KIF18A: variants seen among roughly 807,000 people sequenced by gnomAD.
KIF18A encodes the protein kinesin family member 18A, also known as kinesin-like protein KIF18A.
Under a neutral mutation model 103.3 loss-of-function variants are expected in KIF18A, and 67 were observed. The observed-to-expected ratio is 0.65, with a 90% confidence interval of 0.53 to 0.79. The LOEUF (loss-of-function observed/expected upper bound fraction) is 0.79, where lower values mean the gene tolerates loss of function less well. Ranked by LOEUF, KIF18A falls within the 30% of genes least tolerant of loss-of-function variation. The pLI, the probability that KIF18A is intolerant of heterozygous loss-of-function variation, is 0.00. For missense variants in KIF18A, 1,032 were observed against 1,062.5 expected (o/e 0.97, Z 0.40); for synonymous variants, 367 against 355.5 (o/e 1.03, Z -0.36).
At chr11:28,097,361 C>A in intron 2 of KIF18A, 1 of 375,680 alleles carries the variant, frequency 2.7e-6, no homozygotes, top group Non-Finnish European at 4.8e-6. Flanking sequence ...GGTTTAATAA[C>A]ATAGGCAACT....
At chr11:28,084,488 T>C (rs935793938) in intron 7 of KIF18A, 144 bp downstream of exon 7, 6 of 438,762 alleles carry the variant, frequency 1.4e-5, no homozygotes, top group Non-Finnish European at 2.0e-5. Context: ...AATGTTCGAC[T>C]AAGCAGGTTA....
chr11:28,028,149 T>C (rs1850344956), intron 15 of KIF18A, among the ~76,000 whole-genome samples: 1 of 151,546 alleles, frequency 6.6e-6, no homozygotes, highest in Non-Finnish European at 1.5e-5. Context: ...TCAACATCCC[T>C]TTATGATAAA....
At chr11:28,077,474 A>C (rs1175053529) in intron 9 of KIF18A, among the ~76,000 whole-genome samples, 4 of 152,144 alleles carry the variant, frequency 2.6e-5, no homozygotes, top group African/African-American at 7.2e-5. Context: ...GCTTACATCT[A>C]TATGTAATCC....
Position 28,082,940 on chromosome 11 carries a change from G to A in KIF18A, c.1178C>T (p.Ala393Val). The A allele has an allele frequency of 6.3e-7, 1 of 1,594,104 alleles. No individual in the cohort carries two copies. Among genetic ancestry groups the A allele is most frequent in the Non-Finnish European group, 8.5e-7 (1 of 1,169,768 alleles). The change falls in exon 9 of 17, where the codon GCC becomes GTC. Residue 393 changes from alanine (A) to valine (V), a missense_variant. By Grantham distance (64) the Ala-to-Val change is moderately conservative. Coordinates refer to ENST00000263181, the MANE Select transcript of KIF18A (RefSeq NM_031217.4). ...AGTGAAGGCTTTCTGTTCTTCATAGGCTTTTAGTTTTTCTTTTAACAATAA... is the reference window on the plus strand; with the variant it reads ...AGTGAAGGCTTTCTGTTCTTCATAGACTTTTAGTTTTTCTTTTAACAATAA... ...EILLLKEKLK[A>V]YEEQKAFTNE...
At chr11:28,057,446 C>T (rs749391820) in intron 13 of KIF18A, among the ~76,000 whole-genome samples, 8 of 152,002 alleles carry the variant, frequency 5.3e-5, no homozygotes, top group East Asian at 1.9e-4. Flanking sequence ...ACCCAGGAGA[C>T]GGAGCTTGCA....
chr11:28,103,544 A>G (rs1851470335), intron 1 of KIF18A, among the ~76,000 whole-genome samples: 1 of 152,096 alleles, frequency 6.6e-6, no homozygotes, highest in Non-Finnish European at 1.5e-5. Flanking sequence ...AAATTTTATG[A>G]TTATTATGCA....
At chr11:28,046,906 T>C (rs187689721) in intron 13 of KIF18A, among the ~76,000 whole-genome samples, 30 of 150,566 alleles carry the variant, frequency 2.0e-4, no homozygotes, top group African/African-American at 6.6e-4. Context: ...ACAAAAAAAT[T>C]AGCCGGGCCT....
At chr11:28,044,787 T>TTAA (rs1850608703) in intron 13 of KIF18A, among the ~76,000 whole-genome samples, 2 of 135,146 alleles carry the variant, frequency 1.5e-5, no homozygotes, top group South Asian at 4.3e-4. Flanking sequence ...TACAAATATT[T>TTAA]TCATCAATAA....
At chr11:28,087,436 C>T (rs980834203) in intron 6 of KIF18A, among the ~76,000 whole-genome samples, 2 of 152,148 alleles carry the variant, frequency 1.3e-5, no homozygotes, top group African/African-American at 4.8e-5. Context: ...TTCATGGCTG[C>T]ATAGTATTGC....
intron 1 of KIF18A, among the ~76,000 whole-genome samples, chr11:28,100,009 G>A (rs1258005069): frequency 6.6e-6 from 1 of 152,154 alleles, no homozygotes; most frequent in Non-Finnish European, 1.5e-5. Flanking sequence ...GATTATGGGT[G>A]TATTCTGAGG....
intron 15 of KIF18A, among the ~76,000 whole-genome samples, chr11:28,035,078 A>G (rs139452338): frequency 6.8e-4 from 103 of 151,874 alleles, no homozygotes; most frequent in African/African-American, 2.3e-3. Context: ...GTAAGTAGAA[A>G]TAACGAAATA....
intron 9 of KIF18A, 73 bp downstream of exon 9, chr11:28,082,783 A>T (rs1432073339): frequency 4.6e-6 from 4 of 864,732 alleles, no homozygotes; most frequent in Non-Finnish European, 3.6e-6. Flanking sequence ...AACAAATGAT[A>T]ATTAACATAA....
intron 3 of KIF18A, among the ~76,000 whole-genome samples, chr11:28,093,366 G>A (rs1851327887): frequency 6.6e-6 from 1 of 151,988 alleles, no homozygotes; most frequent in African/African-American, 2.4e-5. Context: ...ATCAATCTTT[G>A]GAAGAAATTC....
chr11:28,095,157 A>T (rs1178836807), intron 2 of KIF18A, among the ~76,000 whole-genome samples: 1 of 152,194 alleles, frequency 6.6e-6, no homozygotes, highest in East Asian at 1.9e-4. Context: ...AACCTTCTTA[A>T]TTGTTCCAGG....
At chr11:28,064,571 T>G (rs1850893741) in intron 11 of KIF18A, among the ~76,000 whole-genome samples, 1 of 152,102 alleles carries the variant, frequency 6.6e-6, no homozygotes, top group Non-Finnish European at 1.5e-5. Context: ...CTACATGTTG[T>G]GCTCATGTAC....
rs1850823531 is a variant in KIF18A at position 28,059,025 on chromosome 11, C to T, written c.1849G>A (p.Ala617Thr). 1.2e-6 allele frequency: 2 copies of T among 1,613,906 alleles called. No homozygotes were observed. The highest frequency in any genetic ancestry group is 3.3e-5 in the Admixed American group (2 of 59,990). ...LVERKKVVVW[A>T]DQTAEQPKQN... Reference sequence around the variant, plus strand: ...TTTGGTTGTTCGGCAGTTTGGTCAGCCCAAACTACCACTTTTTTCCTCTCT... The same window carrying T: ...TTTGGTTGTTCGGCAGTTTGGTCAGTCCAAACTACCACTTTTTTCCTCTCT... The change falls in exon 13 of 17, where the codon GCT becomes ACT. Residue 617 changes from alanine (A) to threonine (T), a missense_variant. Physicochemically the swap from Ala to Thr is moderately conservative, Grantham distance 58. Transcript: ENST00000263181.
At chr11:28,097,574 C>T (rs1043646334) in intron 2 of KIF18A, 49 bp downstream of exon 2, 1 of 1,238,544 alleles carries the variant, frequency 8.1e-7, no homozygotes, top group Non-Finnish European at 1.2e-6. Flanking sequence ...CGTCCTAATG[C>T]AAAAGTGAAA....
intron 1 of KIF18A, among the ~76,000 whole-genome samples, chr11:28,101,108 C>T (rs1851440915): frequency 6.6e-6 from 1 of 152,058 alleles, no homozygotes; most frequent in South Asian, 2.1e-4. Flanking sequence ...TTATGACTAG[C>T]ACTTTGGGTA....
At chr11:28,048,238 T>C (rs577928582) in intron 13 of KIF18A, among the ~76,000 whole-genome samples, 2 of 152,254 alleles carry the variant, frequency 1.3e-5, no homozygotes, top group South Asian at 4.1e-4. Flanking sequence ...GTATACATAC[T>C]GTTTGATTAA....
Sources: gnomAD v4.1 joint callset for allele counts (sites outside exome capture counted in the v4.1 genomes callset) on GRCh38, gnomAD v4.1.1 for gene constraint, MANE v1.5 for transcripts, NCBI Gene and HGNC (gene_info 2026-07-23, HGNC 2026-07-21) for gene names.